The following UST variants were observed in gnomAD, a reference collection of about 807,000 sequenced individuals.
UST encodes the protein chondroitin sulfate 2-O-sulfotransferase.
UST carries 21 observed loss-of-function variants against 45.6 expected under a neutral mutation model. The observed-to-expected ratio is 0.46, with a 90% confidence interval of 0.33 to 0.66. UST has a LOEUF of 0.66. Among genes scored for constraint, UST ranks in the 30% least tolerant of loss-of-function variants. The probability of loss-of-function intolerance (pLI) is 0.02; values close to 1 mark genes in which losing one functional copy is unlikely to be tolerated. For missense variants in UST, 463 were observed against 512.4 expected (o/e 0.90, Z 0.93); for synonymous variants, 215 against 200.6 (o/e 1.07, Z -0.61).
At chr6:149,024,063 G>A (rs1409530496) in intron 7 of UST, among the ~76,000 whole-genome samples, 1 of 152,224 alleles carries the variant, frequency 6.6e-6, no homozygotes, top group Non-Finnish European at 1.5e-5. Context: ...CTGTGTAGTG[G>A]GATGAAAGGT....
chr6:148,969,096 G>A (rs181279271), intron 5 of UST, among the ~76,000 whole-genome samples: 1 of 152,192 alleles, frequency 6.6e-6, no homozygotes, highest in Admixed American at 6.5e-5. Flanking sequence ...TAATCTACTT[G>A]AAAGTTTTGG....
chr6:149,012,122 G>A (rs979337092), intron 5 of UST, among the ~76,000 whole-genome samples: 3 of 152,218 alleles, frequency 2.0e-5, no homozygotes, highest in Admixed American at 2.0e-4. Context: ...TGATGCTGAT[G>A]CTTCCTGGAT....
intron 1 of UST, among the ~76,000 whole-genome samples, chr6:148,793,752 T>C (rs1487821342): frequency 2.0e-5 from 3 of 152,246 alleles, no homozygotes; most frequent in African/African-American, 7.2e-5. Context: ...TGTCTCCTTC[T>C]GAGTTCGTGG....
intron 5 of UST, among the ~76,000 whole-genome samples, chr6:148,965,661 C>G (rs1780776153): frequency 6.6e-6 from 1 of 152,258 alleles, no homozygotes; most frequent in Middle Eastern, 3.4e-3. Context: ...CTCAGTGTCA[C>G]GTTCATGTTT....
rs1775930654 is a variant in UST, at chr6:148,748,796, G to A, written c.247+1119G>A. Among the ~76,000 whole-genome samples, 1 of 152,110 alleles carries A rather than the reference G, an allele frequency of 6.6e-6. No homozygotes were observed. Among genetic ancestry groups the A allele is most frequent in the African/African-American group, 2.4e-5 (1 of 41,404 alleles). Reference sequence around the variant, plus strand: ...AGTGCGGGGAAGCAGAGCCACCGAAGTGCTGGAAAGAAAATGGGCCAAATG... The same window carrying A: ...AGTGCGGGGAAGCAGAGCCACCGAAATGCTGGAAAGAAAATGGGCCAAATG... On this transcript the variant is annotated intron_variant, in intron 1 of 7. Transcript: ENST00000367463. This position sits in a 1 kb window ranked among gnomAD's most constrained non-coding sequence, Gnocchi z 5.3.
intron 2 of UST, among the ~76,000 whole-genome samples, chr6:148,923,300 T>A (rs1412908747): frequency 6.6e-6 from 1 of 151,964 alleles, no homozygotes; most frequent in Non-Finnish European, 1.5e-5. Context: ...CACCTAGGAG[T>A]GGAATTTCTG....
chr6:148,751,388 A>G (rs749487878), intron 1 of UST, among the ~76,000 whole-genome samples: 59 of 152,312 alleles, frequency 3.9e-4, no homozygotes, highest in Middle Eastern at 3.4e-3. Context: ...GTGTGACGTG[A>G]GGAGTAGGCT....
chr6:148,920,904 G>A (rs767043598), intron 2 of UST, among the ~76,000 whole-genome samples: 14 of 152,178 alleles, frequency 9.2e-5, no homozygotes, highest in Non-Finnish European at 1.3e-4. Context: ...TACCCTGACC[G>A]TGTTCCCATC....
chr6:148,878,817 TGTG>T (rs1221564488), intron 1 of UST, among the ~76,000 whole-genome samples: 3 of 151,394 alleles, frequency 2.0e-5, no homozygotes, highest in African/African-American at 4.9e-5. Context: ...TGTGTATGAA[TGTG>T]GGGATTATGT....
At chr6:149,045,107 T>A (rs771513828) in intron 7 of UST, among the ~76,000 whole-genome samples, 7 of 152,112 alleles carry the variant, frequency 4.6e-5, no homozygotes, top group Non-Finnish European at 5.9e-5. Flanking sequence ...TTCAGAGAGA[T>A]TTAGGCATTC....
intron 3 of UST, among the ~76,000 whole-genome samples, chr6:148,952,133 CAT>C (rs1455697345): frequency 6.6e-6 from 1 of 152,166 alleles, no homozygotes; most frequent in Non-Finnish European, 1.5e-5. Context: ...TTACATTAAA[CAT>C]ACACACAGTC....
chr6:148,761,599 A>T (rs1308993871), intron 1 of UST, among the ~76,000 whole-genome samples: 1 of 151,330 alleles, frequency 6.6e-6, no homozygotes, highest in East Asian at 1.9e-4. Flanking sequence ...CACAGTGGGG[A>T]AGAAACCAGA....
At chr6:148,884,811 A>T (rs1582877061) in intron 1 of UST, among the ~76,000 whole-genome samples, 1 of 152,162 alleles carries the variant, frequency 6.6e-6, no homozygotes, top group South Asian at 2.1e-4. Flanking sequence ...AAGTGGTCAG[A>T]TTTGAGTTAT....
intron 1 of UST, among the ~76,000 whole-genome samples, chr6:148,773,569 A>C (rs2114677110): frequency 6.6e-6 from 1 of 152,360 alleles, no homozygotes. Flanking sequence ...CAAATCCCAG[A>C]AGACTGTTTT....
chr6:148,996,881 G>GA (rs1299770938), intron 5 of UST, among the ~76,000 whole-genome samples: 3 of 152,038 alleles, frequency 2.0e-5, no homozygotes, highest in Admixed American at 1.3e-4. Context: ...AGTAATAAGA[G>GA]AAAAAAATGC....
intron 1 of UST, among the ~76,000 whole-genome samples, chr6:148,754,802 G>A (rs1254924370): frequency 1.3e-5 from 2 of 152,162 alleles, no homozygotes; most frequent in Non-Finnish European, 1.5e-5. Context: ...AGTTTTATAT[G>A]TAAATGAGTT....
intron 1 of UST, among the ~76,000 whole-genome samples, chr6:148,856,272 T>C (rs1778202946): frequency 1.3e-5 from 2 of 152,124 alleles, no homozygotes; most frequent in Non-Finnish European, 2.9e-5. Context: ...TGCCTCGGCC[T>C]CCCAAAGTGC....
chr6:148,916,518 G>A (rs1200572368), intron 2 of UST, among the ~76,000 whole-genome samples: 6 of 152,256 alleles, frequency 3.9e-5, no homozygotes, highest in South Asian at 4.2e-4. Context: ...CCTGGGTGCC[G>A]CCCCCTCTTT....
intron 4 of UST, 143 bp downstream of exon 4, chr6:148,954,094 A>C: frequency 9.9e-6 from 5 of 503,644 alleles, no homozygotes; most frequent in Non-Finnish European, 1.7e-5. Context: ...GAGGGATCAA[A>C]ATTTGAAATA....
Sources: allele counts gnomAD v4.1 joint callset (sites outside exome capture counted in the v4.1 genomes callset), GRCh38; gene constraint gnomAD v4.1.1; non-coding constraint Gnocchi (gnomAD v3.1); transcripts MANE v1.5; gene names NCBI Gene and HGNC (gene_info 2026-07-23, HGNC 2026-07-21).